The following FLI1 variants were observed in gnomAD, a reference collection of about 807,000 sequenced individuals.
FLI1 encodes the protein Fli-1 proto-oncogene, ETS transcription factor, also known as Friend leukemia integration 1 transcription factor.
Under a neutral mutation model 53.1 loss-of-function variants are expected in FLI1, and 13 were observed. The observed-to-expected ratio is 0.24, with a 90% confidence interval of 0.16 to 0.39. The LOEUF (loss-of-function observed/expected upper bound fraction) is 0.39, where lower values mean the gene tolerates loss of function less well. Among genes scored for constraint, FLI1 ranks in the 10% least tolerant of loss-of-function variants. FLI1 has a pLI of 1.00. For synonymous variants in FLI1, 244 were observed against 236.7 expected (o/e 1.03, Z -0.28); for missense variants, 424 against 600.5 (o/e 0.71, Z 3.07).
intron 2 of FLI1, 130 bp downstream of exon 2, chr11:128,758,456 GT>G (rs1940984210): frequency 2.7e-6 from 2 of 732,736 alleles, no homozygotes; most frequent in Non-Finnish European, 4.6e-6. Flanking sequence ...GCCTGTGTCA[GT>G]CCCTAGAGAG....
intron 4 of FLI1, 135 bp downstream of exon 4, chr11:128,773,120 AG>A: frequency 1.3e-6 from 1 of 790,378 alleles, no homozygotes; most frequent in Middle Eastern, 3.8e-4. Flanking sequence ...AGTGTTGCCA[AG>A]GTCACGTGGG....
At chr11:128,739,291 G>C (rs1940032071) in intron 1 of FLI1, among the ~76,000 whole-genome samples, 1 of 152,154 alleles carries the variant, frequency 6.6e-6, no homozygotes, top group African/African-American at 2.4e-5. Flanking sequence ...CTGAAGGTAT[G>C]GGGATGAGCT....
chr11:128,694,392 C>A (rs1206465274), intron 1 of FLI1, 116 bp downstream of exon 1: 4 of 844,894 alleles, frequency 4.7e-6, no homozygotes. Flanking sequence ...CTTCCCTCCG[C>A]GCCCCGGCTT....
At chr11:128,749,138 G>A (rs1940536121) in intron 1 of FLI1, among the ~76,000 whole-genome samples, 1 of 152,100 alleles carries the variant, frequency 6.6e-6, no homozygotes, top group Admixed American at 6.5e-5. Context: ...TTCCCCACCT[G>A]GACAGTCATG....
At chr11:128,767,364 T>C (rs41427844) in intron 2 of FLI1, among the ~76,000 whole-genome samples, 8,825 of 152,272 alleles carry the variant, frequency 0.058, 842 homozygotes, top group African/African-American at 0.2. Context: ...CCAGCTCTTT[T>C]GCATGTGTGC....
intron 1 of FLI1, among the ~76,000 whole-genome samples, chr11:128,716,039 C>T (rs1352140099): frequency 6.6e-6 from 1 of 152,156 alleles, no homozygotes; most frequent in Non-Finnish European, 1.5e-5. Flanking sequence ...GAAGCATTTG[C>T]ATGGTTAGAA....
At chr11:128,735,026 T>C (rs1178932743) in intron 1 of FLI1, among the ~76,000 whole-genome samples, 1 of 152,216 alleles carries the variant, frequency 6.6e-6, no homozygotes, top group African/African-American at 2.4e-5. Context: ...ACTCTTCCCC[T>C]TCCCGCTTTA....
intron 1 of FLI1, among the ~76,000 whole-genome samples, chr11:128,721,997 C>T (rs1026150042): frequency 4.6e-5 from 7 of 152,162 alleles, no homozygotes; most frequent in African/African-American, 1.7e-4. Flanking sequence ...CTTCTCCTGT[C>T]TGTCTGCAGC....
At chr11:128,764,821 G>A in intron 2 of FLI1, 1 of 1,592,658 alleles carries the variant, frequency 6.3e-7, no homozygotes, top group Non-Finnish European at 8.5e-7. Flanking sequence ...GAGCGGGCGA[G>A]GTATGGCTTT....
Position 128,731,876 on chromosome 11 carries a change from G to A in FLI1, c.19-26239G>A, listed in dbSNP as rs75511866. Among the ~76,000 whole-genome samples, 8 of 152,136 alleles carry A rather than the reference G, an allele frequency of 5.3e-5. No homozygotes were observed. In the East Asian group the frequency reaches 1.2e-3, roughly 22 times the overall value. Reference sequence around the variant, plus strand: ...AAATTAGCTTAGTGTGGTGGCACACGCCTGTAATTCCAGCCACTTCGGAGG... The same window carrying A: ...AAATTAGCTTAGTGTGGTGGCACACACCTGTAATTCCAGCCACTTCGGAGG... On this transcript the variant is annotated intron_variant, in intron 1 of 8. Coordinates refer to ENST00000527786, the MANE Select transcript of FLI1 (RefSeq NM_002017.5).
intron 1 of FLI1, among the ~76,000 whole-genome samples, chr11:128,714,006 A>G (rs761865912): frequency 6.6e-5 from 10 of 152,196 alleles, no homozygotes; most frequent in Non-Finnish European, 1.5e-4. Context: ...CTGTGAGAGG[A>G]CAATTACCTT....
chr11:128,772,816 A>G lies in FLI1; in HGVS notation c.420A>G (p.Gln140=). Residue 140 remains glutamine, a synonymous_variant, in exon 4 of 9, where the codon CAA becomes CAG. Coordinates refer to ENST00000527786, the MANE Select transcript of FLI1 (RefSeq NM_002017.5). ...PTLWTQEHVR[Q]WLEWAIKEYS... is the part of the protein sequence containing the mutation. ...TGTGGACACAGGAGCATGTGAGGCA[A>G]TGGCTGGAGTGGGCCATAAAGGAGT... The G allele has an allele frequency of 6.2e-7, 1 of 1,614,042 alleles. No homozygotes were observed. The highest frequency in any genetic ancestry group is 8.5e-7 in the Non-Finnish European group (1 of 1,179,892).
intron 4 of FLI1, 43 bp downstream of exon 4, chr11:128,773,028 A>G (rs1190392605): frequency 6.3e-7 from 1 of 1,577,074 alleles, no homozygotes; most frequent in South Asian, 1.1e-5. Context: ...GAAGCTTGGC[A>G]TGGAGCCAAC....
At chr11:128,792,374 G>A (rs964806292) in intron 5 of FLI1, among the ~76,000 whole-genome samples, 1 of 152,166 alleles carries the variant, frequency 6.6e-6, no homozygotes, top group African/African-American at 2.4e-5. Flanking sequence ...CTGACCCAGT[G>A]CAATCAATCT....
chr11:128,789,900 A>G (rs745858335), intron 5 of FLI1, among the ~76,000 whole-genome samples: 1 of 152,210 alleles, frequency 6.6e-6, no homozygotes, highest in Non-Finnish European at 1.5e-5. Flanking sequence ...CACAGGCCCC[A>G]TCTACGTCAG....
At chr11:128,701,433 T>C (rs1938329663) in intron 1 of FLI1, among the ~76,000 whole-genome samples, 1 of 152,190 alleles carries the variant, frequency 6.6e-6, no homozygotes, top group African/African-American at 2.4e-5. Context: ...CAGTTAGGAA[T>C]ACTGACACTT....
chr11:128,760,372 C>T (rs1341130112), intron 2 of FLI1, among the ~76,000 whole-genome samples: 2 of 152,040 alleles, frequency 1.3e-5, no homozygotes, highest in Non-Finnish European at 2.9e-5. Context: ...GCTCCCTCTG[C>T]TTGTGTGTCA....
At chr11:128,747,705 C>T (rs750786888) in intron 1 of FLI1, among the ~76,000 whole-genome samples, 13 of 152,318 alleles carry the variant, frequency 8.5e-5, no homozygotes, top group African/African-American at 2.6e-4. Flanking sequence ...TCGTCCCGGA[C>T]GGTCAAGTGT....
intron 1 of FLI1, among the ~76,000 whole-genome samples, chr11:128,738,357 A>T (rs1939991895): frequency 6.6e-6 from 1 of 152,228 alleles, no homozygotes; most frequent in Non-Finnish European, 1.5e-5. Context: ...CTTGAAATAC[A>T]AGACAACCAA....
Sources: gnomAD v4.1 joint callset for allele counts (sites outside exome capture counted in the v4.1 genomes callset) on GRCh38, gnomAD v4.1.1 for gene constraint, MANE v1.5 for transcripts, NCBI Gene and HGNC (gene_info 2026-07-23, HGNC 2026-07-21) for gene names.